The following EBF1 variants were observed in gnomAD, a reference collection of about 807,000 sequenced individuals.
The protein encoded by EBF1 is transcription factor COE1.
EBF1 carries 10 observed loss-of-function variants against 68.4 expected under a neutral mutation model. The ratio of observed to expected loss-of-function variants is 0.15; its 90% CI spans 0.09 to 0.25. EBF1 has a LOEUF of 0.25. Ranked by LOEUF, EBF1 falls within the 10% of genes least tolerant of loss-of-function variation. EBF1 has a pLI of 1.00. For missense variants in EBF1, 509 were observed against 794.4 expected, an observed-to-expected ratio of 0.64 and a Z score of 4.32; for synonymous variants, 298 against 299.8, an observed-to-expected ratio of 0.99 and a Z score of 0.06.
Position 158,828,473 on chromosome 5 carries a change from C to A in EBF1, c.637-5156G>T, listed in dbSNP as rs533228316. Among the ~76,000 whole-genome samples, 6 of 152,182 alleles carry A rather than the reference C, an allele frequency of 3.9e-5. No individual in the cohort carries two copies. The East Asian group carries it at 9.6e-4, about 24-fold the overall frequency. On this transcript the variant is annotated intron_variant, in intron 7 of 15. Transcript: ENST00000313708. Reference sequence around the variant, plus strand: ...ACTAAAAAAGGACAAGATGAGGGATCCTTGTGGTGATGAAAATTCCCTATA... The same window carrying A: ...ACTAAAAAAGGACAAGATGAGGGATACTTGTGGTGATGAAAATTCCCTATA...
chr5:158,956,781 T>C (rs34616120), intron 6 of EBF1, among the ~76,000 whole-genome samples: 52,398 of 137,328 alleles, frequency 0.38, 10,241 homozygotes, highest in South Asian at 0.61. Flanking sequence ...TTTTTTGAGA[T>C]GGAGTCTCGC....
intron 15 of EBF1, among the ~76,000 whole-genome samples, chr5:158,702,743 C>CAAAAA (rs58496050): frequency 7.2e-4 from 30 of 41,622 alleles, no homozygotes; most frequent in South Asian, 1.7e-3. Flanking sequence ...GACTCCTTCT[C>CAAAAA]AAAAAAAAAA....
intron 6 of EBF1, among the ~76,000 whole-genome samples, chr5:159,015,804 T>G (rs1465494135): frequency 1.3e-5 from 2 of 152,264 alleles, no homozygotes; most frequent in East Asian, 3.9e-4. Context: ...TTAAACGAGT[T>G]CCATTTAGCC....
chr5:158,875,056 TACACACACAC>T (rs3035121), intron 6 of EBF1, among the ~76,000 whole-genome samples: 5 of 147,300 alleles, frequency 3.4e-5, no homozygotes, highest in East Asian at 2.0e-4. Flanking sequence ...CACACACACA[TACACACACAC>T]ACACACACAC....
intron 6 of EBF1, among the ~76,000 whole-genome samples, chr5:158,967,179 C>A (rs1754348157): frequency 6.6e-6 from 1 of 152,170 alleles, no homozygotes; most frequent in Non-Finnish European, 1.5e-5. Context: ...ACAGGGAGCT[C>A]CCAGGAGTGC....
chr5:159,013,346 T>C (rs1463986556), intron 6 of EBF1, among the ~76,000 whole-genome samples: 2 of 152,090 alleles, frequency 1.3e-5, no homozygotes, highest in East Asian at 1.9e-4. Flanking sequence ...ATGAATCAAA[T>C]AGTCTCCTAA....
rs1343636348 is a variant in EBF1, at chr5:158,698,548, G to C, written c.*563C>G. 1 of 219,922 alleles carries C rather than the reference G, an allele frequency of 4.5e-6. No individual in the cohort carries two copies. The highest frequency in any genetic ancestry group is 2.3e-5 in the African/African-American group (1 of 44,432). The allele number at this position is 219,922 out of a possible 1,614,324, so 13.6% of individuals were successfully genotyped here. ...TAGATATTGAAAATGCACTGTCTGA[G>C]CTAACTACCATTTGATATGCTTTAA... On this transcript the variant is annotated 3_prime_UTR_variant, in exon 16 of 16. Transcript: ENST00000313708.
intron 8 of EBF1, among the ~76,000 whole-genome samples, chr5:158,822,228 G>C (rs537667267): frequency 8.5e-5 from 13 of 152,218 alleles, no homozygotes; most frequent in African/African-American, 3.1e-4. Flanking sequence ...CTGGTATCCA[G>C]CAGAGCCTCA....
intron 8 of EBF1, among the ~76,000 whole-genome samples, chr5:158,802,680 G>A (rs762477297): frequency 6.6e-6 from 1 of 152,162 alleles, no homozygotes; most frequent in Non-Finnish European, 1.5e-5. Context: ...AGCTCCAGTT[G>A]TTCAAATTCC....
At chr5:158,871,786 GC>G (rs2128061226) in intron 6 of EBF1, among the ~76,000 whole-genome samples, 1 of 152,288 alleles carries the variant, frequency 6.6e-6, no homozygotes, top group Admixed American at 6.5e-5. Flanking sequence ...CAGAGTTGGG[GC>G]CACAACCTTC....
At chr5:158,972,518 G>A (rs146327914) in intron 6 of EBF1, among the ~76,000 whole-genome samples, 7 of 152,326 alleles carry the variant, frequency 4.6e-5, no homozygotes, top group African/African-American at 1.7e-4. Flanking sequence ...ATCACTAGTT[G>A]TAGTGGTCTT....
chr5:159,004,904 C>T lies in EBF1; in HGVS notation c.554+68492G>A, dbSNP rs544189341. Among the ~76,000 whole-genome samples the T allele has an allele frequency of 5.9e-5, 9 of 152,320 alleles. No individual in the cohort carries two copies. The South Asian group carries it at 1.7e-3, about 28-fold the overall frequency. The stretch of plus-strand genomic sequence containing the variant: ...CCAGCCAGCAATATATCTGCCCATA[C>T]TTCTCAAACAGTCATAGCAACACTC... On this transcript the variant is annotated intron_variant, in intron 6 of 15. Transcript: ENST00000313708.
At chr5:159,048,868 G>A (rs931867532) in intron 6 of EBF1, among the ~76,000 whole-genome samples, 1 of 152,202 alleles carries the variant, frequency 6.6e-6, no homozygotes, top group Non-Finnish European at 1.5e-5. Flanking sequence ...TTTCAGTTCT[G>A]TTGTTCTCTG....
At chr5:158,878,118 C>A (rs558554209) in intron 6 of EBF1, among the ~76,000 whole-genome samples, 1 of 151,822 alleles carries the variant, frequency 6.6e-6, no homozygotes, top group East Asian at 2.0e-4. Context: ...ATTGATTATG[C>A]AAATGCAGAA....
intron 6 of EBF1, among the ~76,000 whole-genome samples, chr5:159,052,351 G>GAA (rs5872583): frequency 0.045 from 6,364 of 142,922 alleles, 354 homozygotes; most frequent in African/African-American, 0.13. Flanking sequence ...AAAAGATATA[G>GAA]AAAAAAAAAA....
chr5:158,796,049 C>T (rs1478710753), intron 9 of EBF1, among the ~76,000 whole-genome samples: 1 of 152,152 alleles, frequency 6.6e-6, no homozygotes, highest in Non-Finnish European at 1.5e-5. Context: ...TGCATCTCCT[C>T]TTCAATTCCC....
chr5:159,072,087 GGTA>G (rs1584420254), intron 6 of EBF1, among the ~76,000 whole-genome samples: 1 of 152,116 alleles, frequency 6.6e-6, no homozygotes, highest in Non-Finnish European at 1.5e-5. Flanking sequence ...TAATTCTATA[GGTA>G]GCACACACAT....
chr5:158,919,236 A>AT (rs35011952), intron 6 of EBF1, among the ~76,000 whole-genome samples: 21,417 of 146,120 alleles, frequency 0.15, 1,700 homozygotes, highest in African/African-American at 0.23. Context: ...TGAAATTAAG[A>AT]TTTTTTTTTT....
intron 11 of EBF1, among the ~76,000 whole-genome samples, chr5:158,725,907 A>G (rs1423635601): frequency 2.6e-5 from 4 of 152,224 alleles, no homozygotes; most frequent in African/African-American, 9.6e-5. Context: ...TTGCAATATC[A>G]TTCATCACAA....
Sources: gnomAD v4.1 joint callset for allele counts (sites outside exome capture counted in the v4.1 genomes callset) on GRCh38, gnomAD v4.1.1 for gene constraint, MANE v1.5 for transcripts, NCBI Gene and HGNC (gene_info 2026-07-23, HGNC 2026-07-21) for gene names.